The following CDH12 variants were observed in gnomAD, a reference collection of about 807,000 sequenced individuals.
The protein encoded by CDH12 is cadherin-12.
In CDH12, 41 loss-of-function variants were observed where a neutral mutation model predicts 74.1. The ratio of observed to expected loss-of-function variants is 0.55; its 90% CI spans 0.43 to 0.72. The LOEUF is 0.72. Ranked by LOEUF, CDH12 falls within the 30% of genes least tolerant of loss-of-function variation. CDH12 has a pLI of 0.00. For synonymous variants in CDH12, 399 were observed against 355.0 expected (o/e 1.12, Z -1.39); for missense variants, 945 against 977.2 (o/e 0.97, Z 0.44).
intron 1 of CDH12, among the ~76,000 whole-genome samples, chr5:22,697,867 C>T (rs867484741): frequency 6.6e-6 from 1 of 151,898 alleles, no homozygotes; most frequent in South Asian, 2.1e-4. Flanking sequence ...TGCATGTGCA[C>T]GAAGAAGAGG....
chr5:22,217,243 C>T (rs1253850337), intron 3 of CDH12, among the ~76,000 whole-genome samples: 5 of 151,652 alleles, frequency 3.3e-5, no homozygotes, highest in South Asian at 2.1e-4. Flanking sequence ...AATTATAACA[C>T]GTTTCTTTAA....
intron 1 of CDH12, among the ~76,000 whole-genome samples, chr5:22,720,465 C>T (rs1376529493): frequency 6.6e-6 from 1 of 152,052 alleles, no homozygotes; most frequent in Non-Finnish European, 1.5e-5. Flanking sequence ...TGTATAGCAG[C>T]GTGAAAATGA....
chr5:21,919,233 T>C (rs942178847), intron 6 of CDH12, among the ~76,000 whole-genome samples: 3 of 152,200 alleles, frequency 2.0e-5, no homozygotes, highest in African/African-American at 7.2e-5. Context: ...AATAACAATG[T>C]TTTACACAAC....
intron 3 of CDH12, among the ~76,000 whole-genome samples, chr5:22,372,885 C>CT (rs1741356865): frequency 6.6e-6 from 1 of 152,180 alleles, no homozygotes; most frequent in Non-Finnish European, 1.5e-5. Flanking sequence ...ACAAATGCCA[C>CT]TTCCACTTCC....
At chr5:22,042,181 A>G (rs1286017796) in intron 5 of CDH12, among the ~76,000 whole-genome samples, 1 of 152,164 alleles carries the variant, frequency 6.6e-6, no homozygotes, top group Non-Finnish European at 1.5e-5. Context: ...GTTTATAGTG[A>G]CAAATGCCTA....
At chr5:22,011,719 A>C (rs996712569) in intron 5 of CDH12, among the ~76,000 whole-genome samples, 1 of 152,104 alleles carries the variant, frequency 6.6e-6, no homozygotes, top group Non-Finnish European at 1.5e-5. Context: ...CTGTTGGGTT[A>C]TATGCAATTA....
At chr5:21,790,603 A>G (rs1207391758) in intron 10 of CDH12, among the ~76,000 whole-genome samples, 1 of 152,094 alleles carries the variant, frequency 6.6e-6, no homozygotes, top group Non-Finnish European at 1.5e-5. Flanking sequence ...ATGTTCTATA[A>G]AATTTGGAAA....
intron 3 of CDH12, among the ~76,000 whole-genome samples, chr5:22,355,673 C>T (rs1236201578): frequency 6.6e-6 from 1 of 152,026 alleles, no homozygotes; most frequent in Admixed American, 6.6e-5. Context: ...GCTCTCGGAT[C>T]TCATTCAGAT....
rs1463003063 is a variant in CDH12 at position 22,262,014 on chromosome 5, G to A, written c.-332-49371C>T. 2.6e-5 allele frequency among the ~76,000 whole-genome samples: 4 copies of A among 152,010 alleles called. No homozygotes were observed. The East Asian group carries it at 7.7e-4, about 29-fold the overall frequency. ...TTTAAAAAATACGATACAAATCTCAGAAATGTTTCAGTCATTTTATGTAAT... is the reference window on the plus strand; with the variant it reads ...TTTAAAAAATACGATACAAATCTCAAAAATGTTTCAGTCATTTTATGTAAT... On this transcript the variant is annotated intron_variant, in intron 3 of 14. Transcript: ENST00000382254.
At chr5:22,769,538 C>T (rs1452276307) in intron 1 of CDH12, among the ~76,000 whole-genome samples, 2 of 152,048 alleles carry the variant, frequency 1.3e-5, no homozygotes, top group Admixed American at 1.3e-4. Context: ...ACCTCCTCAG[C>T]TTGGAGATAG....
intron 4 of CDH12, among the ~76,000 whole-genome samples, chr5:22,123,079 T>C (rs2150277617): frequency 6.6e-6 from 1 of 152,346 alleles, no homozygotes; most frequent in Non-Finnish European, 1.5e-5. Flanking sequence ...AAAATGTTTG[T>C]GTCTCCCCCA....
chr5:21,950,352 A>G (rs572007621), intron 6 of CDH12, among the ~76,000 whole-genome samples: 211 of 152,276 alleles, frequency 1.4e-3, no homozygotes, highest in Middle Eastern at 0.014. Flanking sequence ...TAAAAACACT[A>G]TAAATAAATT....
At chr5:22,111,043 C>A (rs536040900) in intron 4 of CDH12, among the ~76,000 whole-genome samples, 2 of 152,108 alleles carry the variant, frequency 1.3e-5, no homozygotes, top group African/African-American at 4.8e-5. Flanking sequence ...TCCTTGAGTG[C>A]GCAACCATGG....
At chr5:22,202,979 CACAT>C (rs1382086124) in intron 4 of CDH12, among the ~76,000 whole-genome samples, 1 of 151,976 alleles carries the variant, frequency 6.6e-6, no homozygotes, top group African/African-American at 2.4e-5. Flanking sequence ...TTTTAATTGA[CACAT>C]AATAATTGTG....
chr5:21,761,802 C>T (rs921645966), intron 12 of CDH12, among the ~76,000 whole-genome samples: 1 of 150,802 alleles, frequency 6.6e-6, no homozygotes, highest in African/African-American at 2.4e-5. Context: ...ATCACTGGGA[C>T]CTTGGATATC....
chr5:22,452,896 A>AT (rs747810663), intron 2 of CDH12, among the ~76,000 whole-genome samples: 305 of 148,154 alleles, frequency 2.1e-3, no homozygotes, highest in Non-Finnish European at 3.3e-3. Context: ...AAAAAAAAAA[A>AT]AAAAAAAATG....
chr5:21,915,568 T>A (rs1444208699), intron 6 of CDH12, among the ~76,000 whole-genome samples: 1 of 152,050 alleles, frequency 6.6e-6, no homozygotes, highest in Middle Eastern at 3.2e-3. Context: ...GGGTTTTGAG[T>A]TTGAAATGCC....
chr5:22,461,621 A>C (rs1444725695), intron 2 of CDH12, among the ~76,000 whole-genome samples: 5 of 152,018 alleles, frequency 3.3e-5, no homozygotes, highest in African/African-American at 9.7e-5. Context: ...TTTGTAAAAA[A>C]AATTTATAAA....
intron 6 of CDH12, among the ~76,000 whole-genome samples, chr5:21,886,461 T>G (rs1752635341): frequency 6.8e-6 from 1 of 148,072 alleles, no homozygotes; most frequent in Non-Finnish European, 1.5e-5. Flanking sequence ...TTATTAATTT[T>G]CCTCATATAT....
Sources: allele counts gnomAD v4.1 joint callset (sites outside exome capture counted in the v4.1 genomes callset), GRCh38; gene constraint gnomAD v4.1.1; transcripts MANE v1.5; gene names NCBI Gene and HGNC (gene_info 2026-07-23, HGNC 2026-07-21).